ZMYND11: variants seen among roughly 807,000 people sequenced by gnomAD.
The protein encoded by ZMYND11 is zinc finger MYND-type containing 11, also known as zinc finger MYND domain-containing protein 11.
A neutral mutation model predicts 84.9 loss-of-function variants in ZMYND11; 9 were observed. The observed-to-expected ratio is 0.11, with a 90% CI of 0.06 to 0.18. The LOEUF is 0.18. Among genes scored for constraint, ZMYND11 ranks in the 10% least tolerant of loss-of-function variants. The pLI is 1.00. For synonymous variants in ZMYND11, 250 were observed against 244.1 expected (o/e 1.02, Z -0.23); for missense variants, 409 against 761.0 (o/e 0.54, Z 5.44).
chr10:229,199 T>C (rs1301149357), intron 4 of ZMYND11, among the ~76,000 whole-genome samples: 2 of 152,160 alleles, frequency 1.3e-5, no homozygotes, highest in Non-Finnish European at 1.5e-5. Flanking sequence ...CACAGTGGCA[T>C]TCAGTGGCAT....
chr10:234,863 G>A (rs1454854959), intron 4 of ZMYND11, among the ~76,000 whole-genome samples: 1 of 152,202 alleles, frequency 6.6e-6, no homozygotes, highest in East Asian at 1.9e-4. Flanking sequence ...CTGATTGATT[G>A]TGCTTCAGAT....
rs544346245 is a variant in ZMYND11, at chr10:159,146, A to G, written c.-19-20848A>G. On this transcript the variant is annotated intron_variant, in intron 1 of 14. Transcript: ENST00000381604. ...TTTTTTTTTCTTAATAGCTGACTGT[A>G]CTCCACTGTATGGATGCCCCATACC... Among the ~76,000 whole-genome samples, 176 of 143,132 alleles carry G rather than the reference A, an allele frequency of 1.2e-3. 1 individual carries two copies. The Middle Eastern group carries it at 0.026, about 21-fold the overall frequency. 93.9% of individuals were successfully genotyped at this position (143,132 alleles called of 152,430 possible).
chr10:226,145 C>T (rs765089608), intron 4 of ZMYND11, among the ~76,000 whole-genome samples: 15 of 152,146 alleles, frequency 9.9e-5, no homozygotes, highest in Non-Finnish European at 2.1e-4. Flanking sequence ...GAGTGCCTGG[C>T]ATTTGTCTCC....
intron 1 of ZMYND11, among the ~76,000 whole-genome samples, chr10:158,984 G>GTTTTTGTTTTTTT (rs1842334375): frequency 2.5e-5 from 1 of 40,024 alleles, no homozygotes; most frequent in Non-Finnish European, 5.2e-5. Context: ...AGGGTTTTTT[G>GTTTTTGTTTTTTT]TTTTTTGTTT....
chr10:209,616 G>A lies in ZMYND11; in HGVS notation c.117-273G>A, dbSNP rs977681764. Among the ~76,000 whole-genome samples the A allele has an allele frequency of 1.1e-4, 17 of 152,230 alleles. No homozygotes were observed. In the South Asian group the frequency reaches 1.5e-3, roughly 13 times the overall value. On this transcript the variant is annotated intron_variant, in intron 2 of 14. Transcript: ENST00000381604. Reference sequence around the variant, plus strand: ...ACAGTCTCTTAAGTGATTTATATTCGCTGATTTGGGACTATTTTGAACATA... The same window carrying A: ...ACAGTCTCTTAAGTGATTTATATTCACTGATTTGGGACTATTTTGAACATA...
chr10:169,268 T>C (rs1844728745), intron 1 of ZMYND11, among the ~76,000 whole-genome samples: 1 of 152,158 alleles, frequency 6.6e-6, no homozygotes, highest in African/African-American at 2.4e-5. Context: ...TGGCACAGGC[T>C]GTCTAAAGAT....
intron 1 of ZMYND11, among the ~76,000 whole-genome samples, chr10:165,183 A>G (rs1294525507): frequency 1.3e-5 from 2 of 152,152 alleles, no homozygotes; most frequent in Non-Finnish European, 2.9e-5. Context: ...AGCTCTTGCC[A>G]AAGTCACCAG....
chr10:180,212 G>T, intron 2 of ZMYND11, 84 bp downstream of exon 2: 1 of 972,186 alleles, frequency 1.0e-6, no homozygotes. Flanking sequence ...TATCTGTTAT[G>T]CTAATCAACA....
intron 1 of ZMYND11, among the ~76,000 whole-genome samples, chr10:142,374 A>G (rs1168631254): frequency 6.6e-6 from 1 of 152,048 alleles, no homozygotes; most frequent in African/African-American, 2.4e-5. Context: ...TAGAGGTGTG[A>G]CCCACCTTGC....
chr10:197,290 CATTGT>C (rs1003717829), intron 2 of ZMYND11, among the ~76,000 whole-genome samples: 4 of 152,076 alleles, frequency 2.6e-5, no homozygotes, highest in African/African-American at 9.7e-5. Context: ...CCCACGTGCG[CATTGT>C]ATTCATGTAT....
intron 1 of ZMYND11, among the ~76,000 whole-genome samples, chr10:154,368 C>T (rs576850372): frequency 6.6e-6 from 1 of 152,270 alleles, no homozygotes; most frequent in South Asian, 2.1e-4. Context: ...TTCAGCATTA[C>T]ACTTGGGGGC....
chr10:242,001 G>A lies in ZMYND11; in HGVS notation c.832-20G>A, dbSNP rs780524963. On this transcript the variant is annotated intron_variant, in intron 9 of 14. Coordinates refer to ENST00000381604, the MANE Select transcript of ZMYND11 (RefSeq NM_001370100.5). ...AATACTTTAAAAGTAATATAACAAG[G>A]TAAAACATTTAATTTCCAGATACCT... The A allele has an allele frequency of 6.8e-6, 11 of 1,613,256 alleles. No individual in the cohort carries two copies. The highest frequency in any genetic ancestry group is 9.3e-6 in the Non-Finnish European group (11 of 1,179,528).
intron 4 of ZMYND11, among the ~76,000 whole-genome samples, chr10:226,972 T>C (rs1420848967): frequency 2.0e-5 from 3 of 152,174 alleles, no homozygotes; most frequent in Non-Finnish European, 4.4e-5. Context: ...TACAAATGTT[T>C]CAGGTGGCAT....
chr10:139,230 T>C (rs1554753303), intron 1 of ZMYND11, among the ~76,000 whole-genome samples: 1 of 152,200 alleles, frequency 6.6e-6, no homozygotes, highest in Admixed American at 6.5e-5. Flanking sequence ...AATATTTTTC[T>C]GTTTTTCATA....
At chr10:232,433 T>G (rs1176649186) in intron 4 of ZMYND11, among the ~76,000 whole-genome samples, 2 of 152,238 alleles carry the variant, frequency 1.3e-5, no homozygotes, top group Admixed American at 6.5e-5. Context: ...GAAAGCATCT[T>G]ACAGCAAATG....
At chr10:224,920 A>AT (rs1947832796) in intron 4 of ZMYND11, among the ~76,000 whole-genome samples, 1 of 152,106 alleles carries the variant, frequency 6.6e-6, no homozygotes, top group Admixed American at 6.6e-5. Flanking sequence ...TCTTCTCATT[A>AT]TTATTTATTT....
At chr10:162,774 T>C (rs61836335) in intron 1 of ZMYND11, among the ~76,000 whole-genome samples, 37,741 of 152,192 alleles carry the variant, frequency 0.25, 5,817 homozygotes, top group Non-Finnish European at 0.35. Flanking sequence ...AATAAACTTG[T>C]TTGTAGCATA....
At chr10:163,234 C>G (rs965426960) in intron 1 of ZMYND11, among the ~76,000 whole-genome samples, 1 of 152,126 alleles carries the variant, frequency 6.6e-6, no homozygotes, top group Admixed American at 6.5e-5. Flanking sequence ...ATCACCCCCC[C>G]ACTACCTGGG....
intron 2 of ZMYND11, among the ~76,000 whole-genome samples, chr10:187,246 C>CA (rs762836759): frequency 6.6e-6 from 1 of 151,824 alleles, no homozygotes; most frequent in African/African-American, 2.4e-5. Context: ...CAAAACGAAA[C>CA]AAAAAAACCC....
Sources: gnomAD v4.1 joint callset for allele counts (sites outside exome capture counted in the v4.1 genomes callset) on GRCh38, gnomAD v4.1.1 for gene constraint, MANE v1.5 for transcripts, NCBI Gene and HGNC (gene_info 2026-07-23, HGNC 2026-07-21) for gene names.